The following SERPINA12 variants were observed in gnomAD, a reference collection of about 807,000 sequenced individuals.
The protein encoded by SERPINA12 is serpin family A member 12, also known as serpin A12.
SERPINA12 carries 21 observed loss-of-function variants against 25.9 expected under a neutral mutation model. The ratio of observed to expected loss-of-function variants is 0.81; its 90% CI spans 0.58 to 1.17. The LOEUF is 1.17. SERPINA12 is among the 50% of genes most tolerant of loss of function. SERPINA12 has a pLI of 0.00. For synonymous variants in SERPINA12, 220 were observed against 196.0 expected (o/e 1.12, Z -1.02); for missense variants, 562 against 508.3 (o/e 1.11, Z -1.02).
At chr14:94,516,966 CAT>C (rs1004202308) in intron 1 of SERPINA12, among the ~76,000 whole-genome samples, 1 of 142,390 alleles carries the variant, frequency 7.0e-6, no homozygotes, top group African/African-American at 2.7e-5. Context: ...CACACACACA[CAT>C]TAAAATAGTA....
intron 2 of SERPINA12, among the ~76,000 whole-genome samples, chr14:94,497,421 G>A (rs1900480681): frequency 6.6e-6 from 1 of 152,164 alleles, no homozygotes; most frequent in South Asian, 2.1e-4. Flanking sequence ...TTTGTAACTT[G>A]GAGTAAGTCA....
intron 2 of SERPINA12, among the ~76,000 whole-genome samples, chr14:94,514,961 A>G (rs1040943507): frequency 6.6e-6 from 1 of 152,190 alleles, no homozygotes; most frequent in African/African-American, 2.4e-5. Flanking sequence ...CGGACTGAGG[A>G]AACCCACGGT....
intron 1 of SERPINA12, among the ~76,000 whole-genome samples, chr14:94,499,733 T>C (rs911561161): frequency 6.6e-6 from 1 of 152,158 alleles, no homozygotes; most frequent in Non-Finnish European, 1.5e-5. Flanking sequence ...TTGTCTTCCC[T>C]GTAGGGAAGT....
intron 1 of SERPINA12, among the ~76,000 whole-genome samples, chr14:94,507,025 G>A (rs1263594653): frequency 6.6e-6 from 1 of 152,226 alleles, no homozygotes; most frequent in Non-Finnish European, 1.5e-5. Context: ...TGTGACAAGG[G>A]CATCGCTACA....
At chr14:94,501,708 C>A (rs1239626134) in intron 1 of SERPINA12, among the ~76,000 whole-genome samples, 1 of 144,210 alleles carries the variant, frequency 6.9e-6, no homozygotes, top group Non-Finnish European at 1.5e-5. Flanking sequence ...CACACCCTGG[C>A]CTGGTGGGGT....
In SERPINA12 at chr14:94,498,249, C is replaced by T; in HGVS notation, c.149G>A (p.Arg50Lys). Residue 50 changes from arginine to lysine, a missense_variant, in exon 2 of 5, where the codon AGG becomes AAG. Physicochemically the swap from Arg to Lys is conservative, Grantham distance 26. Coordinates refer to ENST00000677451, the MANE Select transcript of SERPINA12 (RefSeq NM_001382267.1). Reference sequence around the variant, plus strand: ...CTTAAAGCCTAAGTCCATGTTCTGCCTTGCAAGCTCCTTGGCTGCCATCCT... The same window carrying T: ...CTTAAAGCCTAAGTCCATGTTCTGCTTTGCAAGCTCCTTGGCTGCCATCCT... ...KQRMAAKELA[R>K]QNMDLGFKLL... The T allele has an allele frequency of 6.2e-7, 1 of 1,614,196 alleles. No individual in the cohort carries two copies. The highest frequency in any genetic ancestry group is 8.5e-7 in the Non-Finnish European group (1 of 1,180,036).
upstream of SERPINA12, among the ~76,000 whole-genome samples, chr14:94,513,807 C>T (rs1901166029): frequency 6.6e-6 from 1 of 152,182 alleles, no homozygotes; most frequent in Admixed American, 6.5e-5. Context: ...TATTGTCTTC[C>T]AGTGGTGTTT....
rs560006001 is a variant in SERPINA12, at chr14:94,508,831, T to C, written c.-34+511A>G. Among the ~76,000 whole-genome samples the C allele has an allele frequency of 3.3e-5, 5 of 152,288 alleles. No homozygotes were observed. In the East Asian group the frequency reaches 9.6e-4, roughly 29 times the overall value. ...TTTGGGTAAATATGCATTGAAACAT[T>C]GTGGGTGGGGGCCAGCTTTGATTTT... On this transcript the variant is annotated intron_variant, in intron 1 of 4. Transcript: ENST00000677451.
intron 1 of SERPINA12, among the ~76,000 whole-genome samples, chr14:94,507,125 T>G (rs1900957152): frequency 6.6e-6 from 1 of 152,192 alleles, no homozygotes; most frequent in South Asian, 2.1e-4. Flanking sequence ...AGGAAAAATA[T>G]AAATAGTGAC....
chr14:94,511,254 C>T (rs988118198), upstream of SERPINA12: 36 of 227,712 alleles, frequency 1.6e-4, no homozygotes, highest in Non-Finnish European at 2.5e-4. Context: ...CACACACACA[C>T]ATATATATAT....
intron 3 of SERPINA12, among the ~76,000 whole-genome samples, chr14:94,494,944 G>A (rs892098348): frequency 4.6e-5 from 7 of 152,150 alleles, no homozygotes; most frequent in Non-Finnish European, 8.8e-5. Context: ...CAGTGGGAAG[G>A]GCAGGTGAGA....
Position 94,499,788 on chromosome 14 carries a change from G to A in SERPINA12, c.-33-1358C>T, listed in dbSNP as rs905257781. 6.3e-4 allele frequency among the ~76,000 whole-genome samples: 96 copies of A among 152,320 alleles called. 1 individual carries two copies. Among genetic ancestry groups the A allele is most frequent in the African/African-American group, 2.2e-3 (90 of 41,566 alleles). On this transcript the variant is annotated intron_variant, in intron 1 of 4. Transcript: ENST00000677451. ...AGGGAAGGAGCCAAGGTGACATCTA[G>A]CCTTGGCCTGGTCCACAGTGGGAGG...
At chr14:94,487,733 G>T (rs913165055) in intron 4 of SERPINA12, among the ~76,000 whole-genome samples, 2 of 152,266 alleles carry the variant, frequency 1.3e-5, no homozygotes, top group African/African-American at 2.4e-5. Flanking sequence ...GGGAGTCGGT[G>T]GGGGGAGAGA....
chr14:94,505,174 T>G (rs10132071), intron 1 of SERPINA12, among the ~76,000 whole-genome samples: 16,865 of 152,248 alleles, frequency 0.11, 1,158 homozygotes, highest in East Asian at 0.18. Context: ...TGTTTTCCCT[T>G]CCTTTGGGTT....
intron 2 of SERPINA12, among the ~76,000 whole-genome samples, chr14:94,496,914 G>A (rs1900452481): frequency 6.6e-6 from 1 of 152,180 alleles, no homozygotes; most frequent in South Asian, 2.1e-4. Context: ...CTAAGCCTGA[G>A]AAAGCCCACT....
At chr14:94,501,634 T>C (rs1900726099) in intron 1 of SERPINA12, among the ~76,000 whole-genome samples, 1 of 151,148 alleles carries the variant, frequency 6.6e-6, no homozygotes, top group Non-Finnish European at 1.5e-5. Context: ...CATGAGATAC[T>C]GCTGATCAGG....
chr14:94,490,538 C>T (rs1900132621), intron 3 of SERPINA12, among the ~76,000 whole-genome samples: 1 of 152,236 alleles, frequency 6.6e-6, no homozygotes. Flanking sequence ...CATCCTTAAA[C>T]AGTGCCCCTT....
intron 2 of SERPINA12, among the ~76,000 whole-genome samples, chr14:94,515,213 A>G (rs1901201455): frequency 6.6e-6 from 1 of 152,186 alleles, no homozygotes; most frequent in Non-Finnish European, 1.5e-5. Context: ...ATTGGGAGTG[A>G]CAAGCCATAG....
chr14:94,511,841 T>G (rs963087065), upstream of SERPINA12: 5 of 501,780 alleles, frequency 1.0e-5, no homozygotes, highest in African/African-American at 1.0e-4. Context: ...GTCACGCCTG[T>G]ACTCCTAGCA....
Sources: gnomAD v4.1 joint callset for allele counts (sites outside exome capture counted in the v4.1 genomes callset) on GRCh38, gnomAD v4.1.1 for gene constraint, MANE v1.5 for transcripts, NCBI Gene and HGNC (gene_info 2026-07-23, HGNC 2026-07-21) for gene names.